Variants in SMYD3 observed in about 807,000 individuals in gnomAD.
SMYD3 encodes histone-lysine N-methyltransferase SMYD3.
SMYD3 carries 36 observed loss-of-function variants against 57.7 expected under a neutral mutation model. The observed-to-expected ratio is 0.62, with a 90% CI of 0.48 to 0.82. The LOEUF is 0.82. Among genes scored for constraint, SMYD3 ranks in the 40% least tolerant of loss-of-function variants. SMYD3 has a pLI of 0.00. For synonymous variants in SMYD3, 211 were observed against 195.0 expected (o/e 1.08, Z -0.68); for missense variants, 515 against 538.8 (o/e 0.96, Z 0.44).
chr1:246,247,621 A>T (rs1479067032), intron 5 of SMYD3, among the ~76,000 whole-genome samples: 1 of 151,968 alleles, frequency 6.6e-6, no homozygotes, highest in Admixed American at 6.6e-5. Context: ...CATAGACTAT[A>T]TATAAGAGAG....
At chr1:245,958,689 G>C (rs1463901131) in intron 5 of SMYD3, among the ~76,000 whole-genome samples, 3 of 152,156 alleles carry the variant, frequency 2.0e-5, no homozygotes, top group Non-Finnish European at 4.4e-5. Context: ...GTTATTCCTA[G>C]AAAGAAGAAG....
chr1:246,168,030 C>A (rs921521415), intron 5 of SMYD3, among the ~76,000 whole-genome samples: 1 of 152,132 alleles, frequency 6.6e-6, no homozygotes, highest in Non-Finnish European at 1.5e-5. Context: ...CAAAACAGTG[C>A]GGTGGTTAGG....
chr1:246,326,467 TAA>T (rs367922653), intron 5 of SMYD3: 3,155 of 522,762 alleles, frequency 6.0e-3, no homozygotes, highest in South Asian at 0.011. Flanking sequence ...CGGAATCATT[TAA>T]AAAAAAAAAA....
chr1:246,287,617 A>T (rs1358470072), intron 5 of SMYD3, among the ~76,000 whole-genome samples: 1 of 152,192 alleles, frequency 6.6e-6, no homozygotes, highest in Admixed American at 6.5e-5. Context: ...AGTTTTGGGA[A>T]TACTATTCTT....
chr1:245,794,088 T>A (rs1435511053), intron 10 of SMYD3, among the ~76,000 whole-genome samples: 1 of 152,246 alleles, frequency 6.6e-6, no homozygotes, highest in Non-Finnish European at 1.5e-5. Flanking sequence ...ACTCTCCTTA[T>A]CATTTTTACC....
At chr1:246,213,949 G>A (rs1484899481) in intron 5 of SMYD3, among the ~76,000 whole-genome samples, 1 of 152,146 alleles carries the variant, frequency 6.6e-6, no homozygotes, top group Non-Finnish European at 1.5e-5. Context: ...GCTCTGCAGA[G>A]CTAGCTTCCA....
chr1:246,227,571 C>A (rs549159933), intron 5 of SMYD3, among the ~76,000 whole-genome samples: 1 of 151,748 alleles, frequency 6.6e-6, no homozygotes, highest in Non-Finnish European at 1.5e-5. Context: ...GCTGAGATTG[C>A]ACAACTGCAC....
At chr1:245,901,476 A>G (rs1423636618) in intron 8 of SMYD3, among the ~76,000 whole-genome samples, 1 of 152,212 alleles carries the variant, frequency 6.6e-6, no homozygotes, top group Non-Finnish European at 1.5e-5. Flanking sequence ...AAGTCCATTC[A>G]TTATCTTCAT....
chr1:246,036,720 A>ATTTTTTTC (rs2059781506), intron 5 of SMYD3, among the ~76,000 whole-genome samples: 1 of 110,532 alleles, frequency 9.0e-6, no homozygotes, highest in Admixed American at 8.9e-5. Context: ...AGCCCGGCTA[A>ATTTTTTTC]TTTTTTTTTT....
At position 245,981,191 on chromosome 1, in the gene SMYD3, G is replaced by A. The variant is rs116653761; in HGVS notation, c.532-51254C>T. On this transcript the variant is annotated intron_variant, in intron 5 of 11. Transcript: ENST00000490107. Reference sequence around the variant, plus strand: ...ATAAGTCTGCAAAGAATAAACATGAGGCCAAATAAATATTGAGGTTTTAGG... The same window carrying A: ...ATAAGTCTGCAAAGAATAAACATGAAGCCAAATAAATATTGAGGTTTTAGG... Among the ~76,000 whole-genome samples the A allele has an allele frequency of 8.3e-3, 1,260 of 152,296 alleles. 7 individuals are homozygous for A. Among genetic ancestry groups the A allele is most frequent in the Non-Finnish European group, 0.013 (891 of 68,014 alleles).
chr1:246,421,933 C>A lies in SMYD3; in HGVS notation c.165-66839G>T, dbSNP rs547590114. 2.6e-5 allele frequency among the ~76,000 whole-genome samples: 4 copies of A among 152,284 alleles called. No homozygotes were observed. The East Asian group carries it at 7.7e-4, about 29-fold the overall frequency. Reference sequence around the variant, plus strand: ...CCTCTGCCTTTTTGGTCTACTCATGCCCTCAATAGACTGATGAGGGTGATC... The same window carrying A: ...CCTCTGCCTTTTTGGTCTACTCATGACCTCAATAGACTGATGAGGGTGATC... On this transcript the variant is annotated intron_variant, in intron 1 of 11. Coordinates refer to ENST00000490107, the MANE Select transcript of SMYD3 (RefSeq NM_001167740.2).
At chr1:245,909,154 T>C (rs1003214266) in intron 8 of SMYD3, among the ~76,000 whole-genome samples, 2 of 152,122 alleles carry the variant, frequency 1.3e-5, no homozygotes, top group African/African-American at 4.8e-5. Context: ...ATTCAAAGCA[T>C]GATTAGAGAC....
intron 5 of SMYD3, among the ~76,000 whole-genome samples, chr1:246,154,839 T>G (rs1048681068): frequency 2.0e-5 from 3 of 151,752 alleles, no homozygotes; most frequent in African/African-American, 7.3e-5. Context: ...TGGAGTGCAC[T>G]GGTGCAATTT....
chr1:246,497,702 T>C (rs1484547070), intron 1 of SMYD3, among the ~76,000 whole-genome samples: 1 of 152,076 alleles, frequency 6.6e-6, no homozygotes, highest in East Asian at 1.9e-4. Context: ...AAAAATTTTC[T>C]TTTAATTAGC....
chr1:246,250,082 T>A (rs2063777057), intron 5 of SMYD3, among the ~76,000 whole-genome samples: 1 of 152,188 alleles, frequency 6.6e-6, no homozygotes, highest in Non-Finnish European at 1.5e-5. Flanking sequence ...CAAAACTGTC[T>A]AAAAATTCTA....
chr1:245,752,359 TGTTGCTCAGAATTTCCAGACCAGCCTC>T (rs1435430156), intron 11 of SMYD3, among the ~76,000 whole-genome samples: 1 of 152,206 alleles, frequency 6.6e-6, no homozygotes, highest in Non-Finnish European at 1.5e-5. Flanking sequence ...GGCCTGGCCT[TGTTGCTCAGAATTTCCAGACCAGCCTC>T]TTTTTTGCCC....
At chr1:246,255,979 T>TAGATAGATAGATAGACAGACAGAC (rs1553320462) in intron 5 of SMYD3, among the ~76,000 whole-genome samples, 2 of 147,650 alleles carry the variant, frequency 1.4e-5, no homozygotes, top group East Asian at 2.0e-4. Flanking sequence ...GATAGATAGA[T>TAGATAGATAGATAGACAGACAGAC]AGATAGATAC....
chr1:246,100,558 C>A (rs148642448), intron 5 of SMYD3, among the ~76,000 whole-genome samples: 1 of 152,220 alleles, frequency 6.6e-6, no homozygotes, highest in Non-Finnish European at 1.5e-5. Context: ...CAGGACTGGA[C>A]AAACATGGCT....
intron 5 of SMYD3, among the ~76,000 whole-genome samples, chr1:246,085,577 T>C (rs1005375938): frequency 4.6e-5 from 7 of 152,070 alleles, no homozygotes; most frequent in African/African-American, 1.7e-4. Flanking sequence ...CCTGAACAAA[T>C]AGGTCTTACT....
Sources: gnomAD v4.1 joint callset for allele counts (sites outside exome capture counted in the v4.1 genomes callset) on GRCh38, gnomAD v4.1.1 for gene constraint, MANE v1.5 for transcripts, NCBI Gene and HGNC (gene_info 2026-07-23, HGNC 2026-07-21) for gene names.